Variants in ROR2 observed in about 807,000 individuals in gnomAD.
The protein encoded by ROR2 is tyrosine-protein kinase transmembrane receptor ROR2.
In ROR2, 33 loss-of-function variants were observed where a neutral mutation model predicts 74.9. The ratio of observed to expected loss-of-function variants is 0.44; its 90% CI spans 0.33 to 0.59. The LOEUF (loss-of-function observed/expected upper bound fraction) is 0.59. Ranked by LOEUF, ROR2 falls within the 20% of genes least tolerant of loss-of-function variation. The probability of loss-of-function intolerance (pLI) is 0.02; values close to 1 mark genes in which losing one functional copy is unlikely to be tolerated. For missense variants in ROR2, 1,216 were observed against 1,313.8 expected (o/e 0.93, Z 1.15); for synonymous variants, 586 against 558.7 (o/e 1.05, Z -0.69).
chr9:91,899,756 C>T (rs1208396885), intron 1 of ROR2, among the ~76,000 whole-genome samples: 2 of 152,178 alleles, frequency 1.3e-5, no homozygotes, highest in African/African-American at 4.8e-5. Flanking sequence ...TATACACTCA[C>T]ACACAAACGT....
At chr9:91,888,679 A>G (rs1263867816) in intron 1 of ROR2, among the ~76,000 whole-genome samples, 1 of 152,210 alleles carries the variant, frequency 6.6e-6, no homozygotes, top group Non-Finnish European at 1.5e-5. Context: ...TTGCTCAGAA[A>G]TGGCAGAATA....
intron 1 of ROR2, among the ~76,000 whole-genome samples, chr9:91,926,242 G>A (rs1242931357): frequency 1.3e-5 from 2 of 152,068 alleles, no homozygotes; most frequent in African/African-American, 4.8e-5. Context: ...AAATTAGCAG[G>A]GCATGTGGCG....
chr9:91,768,064 A>G (rs980613333), intron 2 of ROR2, among the ~76,000 whole-genome samples: 1 of 152,168 alleles, frequency 6.6e-6, no homozygotes, highest in Non-Finnish European at 1.5e-5. Context: ...GCAGAGATGG[A>G]GTGATGCCGC....
intron 1 of ROR2, among the ~76,000 whole-genome samples, chr9:91,901,330 C>A (rs1357203396): frequency 2.0e-5 from 3 of 152,130 alleles, no homozygotes; most frequent in Admixed American, 2.0e-4. Flanking sequence ...TATCATGAAA[C>A]ACCAATAACT....
intron 1 of ROR2, among the ~76,000 whole-genome samples, chr9:91,900,429 G>A (rs567073300): frequency 2.2e-4 from 34 of 152,242 alleles, no homozygotes; most frequent in Non-Finnish European, 4.0e-4. Flanking sequence ...CGGTGGCGGC[G>A]CGGGGCAATC....
intron 1 of ROR2, among the ~76,000 whole-genome samples, chr9:91,857,264 C>A (rs1393315079): frequency 6.6e-6 from 1 of 152,206 alleles, no homozygotes; most frequent in African/African-American, 2.4e-5. Context: ...ATTTCCTAAG[C>A]AACATGAAGG....
chr9:91,895,513 A>G (rs1156308135), intron 1 of ROR2, among the ~76,000 whole-genome samples: 2 of 152,238 alleles, frequency 1.3e-5, no homozygotes, highest in Non-Finnish European at 2.9e-5. Context: ...CTGTTCCTTC[A>G]TCTCTATTTT....
chr9:91,871,221 G>T (rs1212421431), intron 1 of ROR2, among the ~76,000 whole-genome samples: 1 of 152,124 alleles, frequency 6.6e-6, no homozygotes, highest in Non-Finnish European at 1.5e-5. Context: ...TTCCATGTTG[G>T]TCTCCTTCCA....
chr9:91,805,886 A>C (rs1827530924), intron 1 of ROR2, among the ~76,000 whole-genome samples: 1 of 152,200 alleles, frequency 6.6e-6, no homozygotes, highest in South Asian at 2.1e-4. Flanking sequence ...TGACATCCTC[A>C]CAGGGACAAA....
In ROR2 at chr9:91,737,501, T is replaced by C; in HGVS notation, c.512A>G (p.Asp171Gly). The C allele has an allele frequency of 6.2e-7, 1 of 1,614,208 alleles. No homozygotes were observed. The highest frequency in any genetic ancestry group is 8.5e-7 in the Non-Finnish European group (1 of 1,180,046). The change falls in exon 5 of 9, where the codon GAT becomes GGT. Residue 171 changes from aspartate (D) to glycine (G), a missense_variant. Physicochemically the swap from Asp to Gly is moderately conservative, Grantham distance 94. Coordinates refer to ENST00000375708, the MANE Select transcript of ROR2 (RefSeq NM_004560.4). ...TCCCCGGTAAGGCTGGCAGAACCCA[T>C]CCTCGTGGTAATCATCCCTGGTAAG... The part of the protein sequence containing the change: ...NHNFQDDYHE[D>G]GFCQPYRGIA...
intron 1 of ROR2, among the ~76,000 whole-genome samples, chr9:91,879,225 C>T (rs1163639992): frequency 6.6e-6 from 1 of 152,122 alleles, no homozygotes; most frequent in Non-Finnish European, 1.5e-5. Context: ...ACAGACTGGG[C>T]CACTGCACCA....
In ROR2 at chr9:91,905,458, A is replaced by G. The variant is rs2119441865; in HGVS notation, c.97+44409T>C. Among the ~76,000 whole-genome samples, 1 of 152,074 alleles carries G rather than the reference A, an allele frequency of 6.6e-6. No homozygotes were observed. The highest frequency in any genetic ancestry group is 2.4e-5 in the African/African-American group (1 of 41,490). On this transcript the variant is annotated intron_variant, in intron 1 of 8. Coordinates refer to ENST00000375708, the MANE Select transcript of ROR2 (RefSeq NM_004560.4). The surrounding 1 kb of genome is among the most constrained non-coding windows in gnomAD (Gnocchi z 5.3). ...ATGACAACACAACCCAACACACAAC[A>G]CATACCACACACAACAAAGACACAA... is the stretch of plus-strand genomic sequence containing the variant.
chr9:91,728,824 T>C (rs1000095318), intron 7 of ROR2, among the ~76,000 whole-genome samples: 4 of 152,244 alleles, frequency 2.6e-5, no homozygotes, highest in African/African-American at 9.6e-5. Flanking sequence ...GCAGCTCATG[T>C]TGGAGCAGAT....
intron 1 of ROR2, among the ~76,000 whole-genome samples, chr9:91,858,921 T>A (rs1315163586): frequency 6.6e-6 from 1 of 152,122 alleles, no homozygotes; most frequent in African/African-American, 2.4e-5. Context: ...GAGCCAGGCA[T>A]CGGGCTCTAT....
intron 1 of ROR2, among the ~76,000 whole-genome samples, chr9:91,938,185 T>A (rs1831751601): frequency 6.6e-6 from 1 of 152,182 alleles, no homozygotes; most frequent in Non-Finnish European, 1.5e-5. Flanking sequence ...TCCAGGCCAA[T>A]CACAGTGGCA....
At chr9:91,782,772 CT>C (rs1397554247) in intron 1 of ROR2, among the ~76,000 whole-genome samples, 1 of 152,148 alleles carries the variant, frequency 6.6e-6, no homozygotes, top group Non-Finnish European at 1.5e-5. Context: ...TAGCCAGAGG[CT>C]AACCCAGAGG....
chr9:91,855,137 C>G (rs138756018), intron 1 of ROR2, among the ~76,000 whole-genome samples: 6 of 152,298 alleles, frequency 3.9e-5, no homozygotes, highest in Admixed American at 2.0e-4. Context: ...TCACCCCACA[C>G]CCCATCCCAA....
At chr9:91,904,487 G>A (rs1830761350) in intron 1 of ROR2, among the ~76,000 whole-genome samples, 1 of 152,228 alleles carries the variant, frequency 6.6e-6, no homozygotes. Context: ...CGACCAACAG[G>A]CCATCGCCCT....
rs148844963 is a variant in ROR2, at chr9:91,724,609, C to T, written c.1885G>A (p.Val629Met). The change falls in exon 9 of 9, where the codon GTG becomes ATG. Residue 629 changes from valine to methionine, a missense_variant. By Grantham distance (21) the Val-to-Met change is conservative. Coordinates refer to ENST00000375708, the MANE Select transcript of ROR2 (RefSeq NM_004560.4). The part of the protein sequence containing the change: ...RNVLVYDKLN[V>M]KISDLGLFRE... The stretch of plus-strand genomic sequence containing the variant: ...AAGAGGCCCAAGTCTGAGATCTTCA[C>T]GTTCAGCTTGTCGTACACTAGCACA... 75 of 1,614,102 alleles carry T rather than the reference C, an allele frequency of 4.6e-5. No individual in the cohort carries two copies. The Admixed American group carries it at 7.5e-4, about 16-fold the overall frequency.
Sources: gnomAD v4.1 joint callset for allele counts (sites outside exome capture counted in the v4.1 genomes callset) on GRCh38, gnomAD v4.1.1 for gene constraint, Gnocchi (gnomAD v3.1) non-coding constraint, MANE v1.5 for transcripts, NCBI Gene and HGNC (gene_info 2026-07-23, HGNC 2026-07-21) for gene names.